Variants in NRXN1 observed in about 807,000 individuals in gnomAD.
NRXN1 encodes neurexin 1, also known as neurexin-1.
A neutral mutation model predicts 150.9 loss-of-function variants in NRXN1; 39 were observed. That is an observed-to-expected ratio of 0.26 (90% CI 0.20 to 0.34). NRXN1 has a LOEUF of 0.34. Among genes scored for constraint, NRXN1 ranks in the 10% least tolerant of loss-of-function variants. NRXN1 has a pLI of 1.00. For synonymous variants in NRXN1, 924 were observed against 757.0 expected (o/e 1.22, Z -3.62); for missense variants, 1,815 against 1,949.9 (o/e 0.93, Z 1.30).
rs577540560 is a variant in NRXN1 at position 50,409,530 on chromosome 2, T to C, written c.3364+55912A>G. Among the ~76,000 whole-genome samples the C allele has an allele frequency of 1.2e-4, 19 of 152,328 alleles. No individual in the cohort carries two copies. In the East Asian group the frequency reaches 3.7e-3, roughly 29 times the overall value. ...TCAAAACAACAACAATAAAGAGACA[T>C]ACTTAAGCACCCTCTTTTGCATTGG... On this transcript the variant is annotated intron_variant, in intron 17 of 22. Coordinates refer to ENST00000401669, the MANE Select transcript of NRXN1 (RefSeq NM_001330078.2).
intron 5 of NRXN1, among the ~76,000 whole-genome samples, chr2:50,730,324 G>T (rs1697932465): frequency 1.3e-5 from 2 of 152,106 alleles, no homozygotes; most frequent in South Asian, 4.1e-4. Context: ...AATATTGTCA[G>T]ATTCAACCAA....
At chr2:50,384,004 A>G (rs531674072) in intron 17 of NRXN1, among the ~76,000 whole-genome samples, 197 of 152,306 alleles carry the variant, frequency 1.3e-3, no homozygotes, top group African/African-American at 4.4e-3. Context: ...GATTTTGAAG[A>G]GAAGAAAGTA....
intron 18 of NRXN1, among the ~76,000 whole-genome samples, chr2:50,110,969 T>A (rs905680712): frequency 2.0e-5 from 3 of 152,214 alleles, no homozygotes; most frequent in Non-Finnish European, 4.4e-5. Flanking sequence ...TATGACTTAA[T>A]CCTCATTAGT....
intron 5 of NRXN1, among the ~76,000 whole-genome samples, chr2:50,659,146 T>C (rs1686925721): frequency 6.6e-6 from 1 of 151,950 alleles, no homozygotes; most frequent in Non-Finnish European, 1.5e-5. Context: ...TTCCATCAAG[T>C]AGGGAGGATG....
intron 5 of NRXN1, among the ~76,000 whole-genome samples, chr2:50,864,837 C>G (rs1399161131): frequency 6.6e-6 from 1 of 151,974 alleles, no homozygotes; most frequent in Non-Finnish European, 1.5e-5. Context: ...TATCAAGAAG[C>G]ACCCGGAAGA....
chr2:50,794,852 T>C (rs1191902906), intron 5 of NRXN1, among the ~76,000 whole-genome samples: 1 of 152,146 alleles, frequency 6.6e-6, no homozygotes, highest in Non-Finnish European at 1.5e-5. Flanking sequence ...AATTTTTTCA[T>C]AGTCAATATT....
chr2:50,684,665 C>T (rs548856025), intron 5 of NRXN1, among the ~76,000 whole-genome samples: 3 of 152,190 alleles, frequency 2.0e-5, no homozygotes, highest in South Asian at 2.1e-4. Context: ...TACTGATAAT[C>T]GCTAAGCAAC....
At chr2:50,703,875 A>G (rs146970207) in intron 5 of NRXN1, among the ~76,000 whole-genome samples, 4 of 152,256 alleles carry the variant, frequency 2.6e-5, no homozygotes, top group African/African-American at 7.2e-5. Flanking sequence ...AAACTTGCCT[A>G]AAGTCATATC....
chr2:50,124,596 C>A (rs571716429), intron 18 of NRXN1, among the ~76,000 whole-genome samples: 1 of 152,120 alleles, frequency 6.6e-6, no homozygotes, highest in Non-Finnish European at 1.5e-5. Context: ...TTTCCATCAC[C>A]CCCAAAACTT....
At chr2:50,062,724 C>G (rs1427247170) in intron 19 of NRXN1, among the ~76,000 whole-genome samples, 2 of 152,078 alleles carry the variant, frequency 1.3e-5, no homozygotes, top group Non-Finnish European at 2.9e-5. Flanking sequence ...TCAGTAGAGA[C>G]AAGCTATATG....
Position 50,595,423 on chromosome 2 carries a change from G to GAA in NRXN1, c.1320+24597_1320+24598dup, listed in dbSNP as rs112426586. The stretch of plus-strand genomic sequence containing the variant: ...GATTTATGGGCCAGGGTAAAAAAAG[G>GAA]AAAAAAAAAAAAAATACCCACCTCT... On this transcript the variant is annotated intron_variant, in intron 8 of 22. Coordinates refer to ENST00000401669, the MANE Select transcript of NRXN1 (RefSeq NM_001330078.2). Among the ~76,000 whole-genome samples the GAA allele has an allele frequency of 1.7e-3, 245 of 140,002 alleles. 2 individuals are homozygous for GAA. The highest frequency in any genetic ancestry group is 5.2e-3 in the South Asian group (23 of 4,392). The allele number at this position is 140,002 out of a possible 152,430, so 91.8% of individuals were successfully genotyped here.
At chr2:50,793,186 A>G (rs1706301420) in intron 5 of NRXN1, among the ~76,000 whole-genome samples, 1 of 152,140 alleles carries the variant, frequency 6.6e-6, no homozygotes, top group Non-Finnish European at 1.5e-5. Context: ...CATTGTGTAA[A>G]ATACAAGAAA....
chr2:50,552,456 A>T, intron 9 of NRXN1, 131 bp downstream of exon 9: 1 of 682,796 alleles, frequency 1.5e-6, no homozygotes. Context: ...AAGCAATATC[A>T]GGCAATTTCT....
intron 17 of NRXN1, among the ~76,000 whole-genome samples, chr2:50,277,868 C>G (rs964132453): frequency 6.6e-6 from 1 of 151,968 alleles, no homozygotes; most frequent in Non-Finnish European, 1.5e-5. Context: ...TCTATACAAT[C>G]TACCTTGATC....
intron 5 of NRXN1, among the ~76,000 whole-genome samples, chr2:50,878,815 C>G (rs1679000329): frequency 6.6e-6 from 1 of 151,908 alleles, no homozygotes; most frequent in Non-Finnish European, 1.5e-5. Flanking sequence ...AGAGTTTTTC[C>G]TTCCCCAGGG....
chr2:50,789,001 G>C (rs1186530308), intron 5 of NRXN1, among the ~76,000 whole-genome samples: 2 of 152,116 alleles, frequency 1.3e-5, no homozygotes, highest in Non-Finnish European at 2.9e-5. Context: ...GCAGGAAATG[G>C]ATTGGGGGAG....
chr2:50,978,921 G>A lies in NRXN1; in HGVS notation c.772+48581C>T, dbSNP rs189229778. 1.4e-4 allele frequency among the ~76,000 whole-genome samples: 22 copies of A among 152,128 alleles called. No homozygotes were observed. The East Asian group carries it at 2.3e-3, about 16-fold the overall frequency. On this transcript the variant is annotated intron_variant, in intron 2 of 22. Coordinates refer to ENST00000401669, the MANE Select transcript of NRXN1 (RefSeq NM_001330078.2). ...AATGTTCTAATAGAGAAGAAAAAAC[G>A]TAATTGTTGTTTTTAAATGTAGTAT...
chr2:50,308,434 C>T (rs565025365), intron 17 of NRXN1, among the ~76,000 whole-genome samples: 3 of 152,218 alleles, frequency 2.0e-5, no homozygotes, highest in Non-Finnish European at 4.4e-5. Flanking sequence ...CTCAGGCAGT[C>T]TTCCTGCCTC....
intron 17 of NRXN1, among the ~76,000 whole-genome samples, chr2:50,249,052 G>T (rs1354991475): frequency 6.6e-6 from 1 of 150,958 alleles, no homozygotes; most frequent in East Asian, 1.9e-4. Context: ...AGCTACTTGG[G>T]AGGCTGAAGT....
Sources: allele counts gnomAD v4.1 joint callset (sites outside exome capture counted in the v4.1 genomes callset), GRCh38; gene constraint gnomAD v4.1.1; transcripts MANE v1.5; gene names NCBI Gene and HGNC (gene_info 2026-07-23, HGNC 2026-07-21).